Variants in B4GALNT2 observed in about 807,000 individuals in gnomAD.
B4GALNT2 encodes beta-1,4-N-acetyl-galactosaminyltransferase 2 (SID blood group).
A neutral mutation model predicts 51.1 loss-of-function variants in B4GALNT2; 42 were observed. The observed-to-expected ratio is 0.82, with a 90% CI of 0.64 to 1.06. The LOEUF is 1.06. Among genes scored for constraint, B4GALNT2 ranks in the 50% least tolerant of loss-of-function variants. The pLI is 0.00. For missense variants in B4GALNT2, 602 were observed against 633.6 expected, an observed-to-expected ratio of 0.95 and a Z score of 0.54; for synonymous variants, 253 against 251.7, an observed-to-expected ratio of 1.01 and a Z score of -0.05.
chr17:49,130,409 G>T (rs942338897), upstream of B4GALNT2, among the ~76,000 whole-genome samples: 10 of 152,204 alleles, frequency 6.6e-5, no homozygotes, highest in African/African-American at 2.4e-4. Flanking sequence ...AGGCTGAGGT[G>T]GGTGGATCAC....
chr17:49,149,918 T>C (rs766384871), intron 3 of B4GALNT2, among the ~76,000 whole-genome samples: 1 of 152,224 alleles, frequency 6.6e-6, no homozygotes, highest in Non-Finnish European at 1.5e-5. Context: ...CATCACATTT[T>C]CAAACTTTAA....
chr17:49,137,154 T>G (rs1363029540), intron 1 of B4GALNT2, among the ~76,000 whole-genome samples: 1 of 152,130 alleles, frequency 6.6e-6, no homozygotes, highest in African/African-American at 2.4e-5. Flanking sequence ...ATAGGTATTT[T>G]AAAAATTACA....
At chr17:49,166,810 A>G (rs1390755220) in intron 9 of B4GALNT2, among the ~76,000 whole-genome samples, 1 of 152,032 alleles carries the variant, frequency 6.6e-6, no homozygotes, top group Non-Finnish European at 1.5e-5. Context: ...GTATAAAGAA[A>G]TACAAAAAAT....
rs577120060 is a variant in B4GALNT2, at chr17:49,136,465, AT to A, written c.14+3666del. ...TATTTTATGTATATTCAGTAATTTG[AT>A]TTTTTTAAAAGGTGCCTTTATTTAC... is the stretch of plus-strand genomic sequence containing the variant. On this transcript the variant is annotated intron_variant, in intron 1 of 10. Transcript: ENST00000393354. 2.6e-5 allele frequency among the ~76,000 whole-genome samples: 4 copies of A among 151,746 alleles called. No homozygotes were observed. In the South Asian group the frequency reaches 8.3e-4, roughly 32 times the overall value.
At chr17:49,130,493 C>T (rs2042531621), upstream of B4GALNT2, among the ~76,000 whole-genome samples, 1 of 152,108 alleles carries the variant, frequency 6.6e-6, no homozygotes, top group Non-Finnish European at 1.5e-5. Context: ...ACAAAATTAG[C>T]CAGGTGTGGT....
chr17:49,156,731 G>A (rs1471056621), intron 5 of B4GALNT2, 128 bp downstream of exon 5: 1 of 1,047,340 alleles, frequency 9.5e-7, no homozygotes, highest in Non-Finnish European at 1.4e-6. Context: ...AAGGAGGGAG[G>A]GGATGGAAGG....
intron 7 of B4GALNT2, among the ~76,000 whole-genome samples, chr17:49,163,778 A>G (rs1294968316): frequency 1.4e-5 from 2 of 141,170 alleles, no homozygotes; most frequent in African/African-American, 5.3e-5. Context: ...AAAAAAAAAA[A>G]GGAAGAAAGC....
intron 3 of B4GALNT2, among the ~76,000 whole-genome samples, chr17:49,142,634 A>G (rs1343517671): frequency 3.9e-5 from 6 of 152,118 alleles, no homozygotes; most frequent in Non-Finnish European, 8.8e-5. Context: ...TGAAGCTGCA[A>G]TGAGCCAGGA....
chr17:49,142,162 T>G lies in B4GALNT2; in HGVS notation c.343T>G (p.Phe115Val). Residue 115 changes from phenylalanine to valine, a missense_variant, in exon 3 of 11, where the codon TTT becomes GTT. Transcript: ENST00000393354. The part of the protein sequence containing the change: ...KARRQAEFEH[F>V]QRREGLPRPL... ...GAGGAGACAGGCTGAATTTGAACAC[T>G]TTCAGAGGAGGTAATGCGGGTCATG... 6.2e-7 allele frequency: 1 copy of G among 1,613,962 alleles called. No individual in the cohort carries two copies. The highest frequency in any genetic ancestry group is 8.5e-7 in the Non-Finnish European group (1 of 1,180,012).
Position 49,168,818 on chromosome 17 carries a change from C to T in B4GALNT2, c.1233C>T (p.Gly411=), listed in dbSNP as rs536287109. Residue 411 remains glycine (G), a synonymous_variant, in exon 10 of 11, where the codon GGC becomes GGT. Coordinates refer to ENST00000393354, the MANE Select transcript of B4GALNT2 (RefSeq NM_001159387.2). ...TCCCCAGCTGCGTGGTGACCAGTGG[C>T]GTGGTCAACTTCTTCCTGGCCCACA... The part of the protein sequence containing the change: ...DGFPSCVVTS[G]VVNFFLAHTE... The T allele has an allele frequency of 3.5e-5, 57 of 1,613,898 alleles. 1 individual carries two copies. Among genetic ancestry groups the T allele is most frequent in the South Asian group, 3.3e-4 (30 of 91,054 alleles).
intron 1 of B4GALNT2, among the ~76,000 whole-genome samples, chr17:49,134,056 C>T (rs2042567679): frequency 6.6e-6 from 1 of 152,154 alleles, no homozygotes; most frequent in African/African-American, 2.4e-5. Flanking sequence ...CCAGCGTTCC[C>T]CTTCCCCAAC....
chr17:49,144,023 C>A (rs1244164630), intron 3 of B4GALNT2, among the ~76,000 whole-genome samples: 1 of 152,110 alleles, frequency 6.6e-6, no homozygotes, highest in Non-Finnish European at 1.5e-5. Context: ...GTGGTGAGTG[C>A]CTGTAGTCCC....
In B4GALNT2 at chr17:49,132,805, G is replaced by A. The variant is rs917750661; in HGVS notation, c.13G>A (p.Gly5Ser). Residue 5 changes from glycine (G) to serine (S), a missense_variant and splice_region_variant, in exon 1 of 11, where the codon GGC becomes AGC. Physicochemically the swap from Gly to Ser is moderately conservative, Grantham distance 56. Coordinates refer to ENST00000393354, the MANE Select transcript of B4GALNT2 (RefSeq NM_001159387.2). Reference sequence around the variant, plus strand: ...GGCGGGATTCGGGATGACTTCGGGCGGGTGAGTGTCCCCGGGGCAGAGCAG... The same window carrying A: ...GGCGGGATTCGGGATGACTTCGGGCAGGTGAGTGTCCCCGGGGCAGAGCAG... MTSG[G>S]SRFLWLLKIL... is the part of the protein sequence containing the mutation. 1.5e-6 allele frequency: 2 copies of A among 1,376,702 alleles called. No individual in the cohort carries two copies. Among genetic ancestry groups the A allele is most frequent in the East Asian group, 3.1e-5 (1 of 32,566 alleles). The allele number at this position is 1,376,702 out of a possible 1,614,324, so 85.3% of individuals were successfully genotyped here.
chr17:49,138,661 T>G (rs1048272820), intron 1 of B4GALNT2, among the ~76,000 whole-genome samples: 4 of 152,128 alleles, frequency 2.6e-5, no homozygotes, highest in Non-Finnish European at 1.5e-5. Context: ...GCAGATCACC[T>G]GAGGTCAGTA....
chr17:49,135,317 T>C (rs761092660), intron 1 of B4GALNT2, among the ~76,000 whole-genome samples: 4 of 152,166 alleles, frequency 2.6e-5, no homozygotes, highest in African/African-American at 7.2e-5. Flanking sequence ...ATCATAACTT[T>C]GCTCTTTAGT....
intron 3 of B4GALNT2, among the ~76,000 whole-genome samples, chr17:49,145,944 C>T (rs903545855): frequency 2.6e-5 from 4 of 152,130 alleles, no homozygotes; most frequent in Non-Finnish European, 5.9e-5. Context: ...CTGGTGGCAG[C>T]GTTCCTCCCT....
At chr17:49,130,678 T>C (rs1436759637), upstream of B4GALNT2, among the ~76,000 whole-genome samples, 1 of 152,158 alleles carries the variant, frequency 6.6e-6, no homozygotes, top group Non-Finnish European at 1.5e-5. Context: ...TCTTTATGTA[T>C]GAACACTTAT....
chr17:49,159,430 C>A (rs528659145), intron 6 of B4GALNT2, among the ~76,000 whole-genome samples: 1 of 152,328 alleles, frequency 6.6e-6, no homozygotes, highest in South Asian at 2.1e-4. Flanking sequence ...CAACCTCCGC[C>A]TCCCAGGTTC....
chr17:49,161,414 C>T (rs2042864551), intron 7 of B4GALNT2, among the ~76,000 whole-genome samples: 1 of 151,996 alleles, frequency 6.6e-6, no homozygotes, highest in Non-Finnish European at 1.5e-5. Flanking sequence ...AGTGTGATGG[C>T]CTGCACCTGT....
Sources: gnomAD v4.1 joint callset for allele counts (sites outside exome capture counted in the v4.1 genomes callset) on GRCh38, gnomAD v4.1.1 for gene constraint, MANE v1.5 for transcripts, NCBI Gene and HGNC (gene_info 2026-07-23, HGNC 2026-07-21) for gene names.